The following GRB14 variants were observed in gnomAD, a reference collection of about 807,000 sequenced individuals.
GRB14 encodes the protein growth factor receptor bound protein 14, also known as growth factor receptor-bound protein 14.
A neutral mutation model predicts 69.1 loss-of-function variants in GRB14; 38 were observed. That is an observed-to-expected ratio of 0.55 (90% CI 0.42 to 0.72). The LOEUF is 0.72. Ranked by LOEUF, GRB14 falls within the 30% of genes least tolerant of loss-of-function variation. The probability of loss-of-function intolerance (pLI) is 0.00; values close to 1 mark genes in which losing one functional copy is unlikely to be tolerated. For missense variants in GRB14, 666 were observed against 666.1 expected, an observed-to-expected ratio of 1.00 and a Z score of 0.00; for synonymous variants, 247 against 241.3, an observed-to-expected ratio of 1.02 and a Z score of -0.22.
At chr2:164,506,433 A>C (rs1687190727) in intron 8 of GRB14, among the ~76,000 whole-genome samples, 1 of 152,216 alleles carries the variant, frequency 6.6e-6, no homozygotes, top group African/African-American at 2.4e-5. Flanking sequence ...ATTGACAAGA[A>C]CAAGAACCAA....
chr2:164,547,870 A>G, intron 2 of GRB14, 54 bp from the exon 3 acceptor site: 1 of 1,292,648 alleles, frequency 7.7e-7, no homozygotes, highest in Non-Finnish European at 1.1e-6. Flanking sequence ...TGTGTTTTTA[A>G]TAAATTTTAT....
At chr2:164,550,026 A>G (rs1276175607) in intron 2 of GRB14, among the ~76,000 whole-genome samples, 2 of 152,206 alleles carry the variant, frequency 1.3e-5, no homozygotes, top group Non-Finnish European at 1.5e-5. Context: ...AGGAGGGAAT[A>G]GAATCAGACT....
At chr2:164,553,359 G>A (rs998696154) in intron 2 of GRB14, among the ~76,000 whole-genome samples, 4 of 152,120 alleles carry the variant, frequency 2.6e-5, no homozygotes, top group Non-Finnish European at 5.9e-5. Context: ...GAGGGGCTTA[G>A]GCCAACTTGA....
intron 2 of GRB14, among the ~76,000 whole-genome samples, chr2:164,585,636 C>T (rs997105316): frequency 6.6e-6 from 1 of 152,040 alleles, no homozygotes; most frequent in African/African-American, 2.4e-5. Context: ...TTAATCATGT[C>T]ACAATATATA....
At chr2:164,521,852 T>A in intron 6 of GRB14, 128 bp downstream of exon 6, 2 of 813,992 alleles carry the variant, frequency 2.5e-6, no homozygotes, top group Non-Finnish European at 4.0e-6. Flanking sequence ...GGCAAACGTT[T>A]TAAATCAAGA....
chr2:164,522,947 G>T (rs1260575795), intron 5 of GRB14, among the ~76,000 whole-genome samples: 1 of 151,950 alleles, frequency 6.6e-6, no homozygotes, highest in East Asian at 1.9e-4. Flanking sequence ...CTTGGCCCTT[G>T]GAATCCAGCT....
intron 6 of GRB14, among the ~76,000 whole-genome samples, chr2:164,517,376 C>T (rs1687519677): frequency 6.6e-6 from 1 of 152,008 alleles, no homozygotes; most frequent in Admixed American, 6.6e-5. Context: ...ACAGCCAAAC[C>T]ATATCACCAT....
At chr2:164,585,908 A>C (rs1689526743) in intron 2 of GRB14, among the ~76,000 whole-genome samples, 1 of 152,210 alleles carries the variant, frequency 6.6e-6, no homozygotes, top group African/African-American at 2.4e-5. Flanking sequence ...GCATCCAGTC[A>C]CTTAGTCAAC....
intron 2 of GRB14, among the ~76,000 whole-genome samples, chr2:164,610,797 T>C (rs1690148802): frequency 7.5e-6 from 1 of 134,088 alleles, no homozygotes; most frequent in East Asian, 2.2e-4. Flanking sequence ...CTAGACCAAA[T>C]AGATAAATGA....
chr2:164,494,058 AC>A lies in GRB14; in HGVS notation c.1476+372del, dbSNP rs1184332916. Among the ~76,000 whole-genome samples the A allele has an allele frequency of 2.6e-5, 4 of 152,162 alleles. No individual in the cohort carries two copies. The East Asian group carries it at 7.7e-4, about 29-fold the overall frequency. On this transcript the variant is annotated intron_variant, in intron 13 of 13. Transcript: ENST00000263915. ...TTAAAAACAAAACAAAACAAAAAAA[AC>A]ATTTTTGAGAGAAGAGAGGAGAAAA... is the stretch of plus-strand genomic sequence containing the variant.
At chr2:164,533,458 G>C (rs1219773461) in intron 3 of GRB14, among the ~76,000 whole-genome samples, 1 of 151,568 alleles carries the variant, frequency 6.6e-6, no homozygotes, top group Non-Finnish European at 1.5e-5. Context: ...TTGACCTCGT[G>C]ATCCGCCCGC....
intron 3 of GRB14, among the ~76,000 whole-genome samples, chr2:164,547,328 G>T (rs1011731845): frequency 6.6e-6 from 1 of 152,080 alleles, no homozygotes; most frequent in African/African-American, 2.4e-5. Context: ...AATCAATTCA[G>T]ATATTTATAA....
intron 2 of GRB14, among the ~76,000 whole-genome samples, chr2:164,606,995 T>C (rs541095810): frequency 7.2e-5 from 11 of 152,222 alleles, no homozygotes; most frequent in Non-Finnish European, 1.2e-4. Flanking sequence ...AGACTGAAAA[T>C]GCTTACAAGG....
intron 2 of GRB14, among the ~76,000 whole-genome samples, chr2:164,619,333 C>G (rs1690383240): frequency 6.6e-6 from 1 of 152,178 alleles, no homozygotes; most frequent in Non-Finnish European, 1.5e-5. Context: ...CTTCTCACCC[C>G]ACTACTACTG....
intron 2 of GRB14, among the ~76,000 whole-genome samples, chr2:164,595,813 A>T (rs150967876): frequency 6.6e-6 from 1 of 152,322 alleles, no homozygotes; most frequent in African/African-American, 2.4e-5. Context: ...CAGAAATAAG[A>T]TCATGAATCT....
rs1050398484 is a variant in GRB14, at chr2:164,502,293, C to G, written c.1066G>C (p.Gly356Arg). The G allele has an allele frequency of 3.7e-6, 6 of 1,607,156 alleles. No homozygotes were observed. Among genetic ancestry groups the G allele is most frequent in the Non-Finnish European group, 4.3e-6 (5 of 1,174,424 alleles). Residue 356 changes from glycine (G) to arginine (R), a missense_variant, in exon 9 of 14, where the codon GGT becomes CGT. Gly to Arg is a moderately radical substitution (Grantham distance 125). Transcript: ENST00000263915. ...CTCTGTGAACTGCAGCCACTTCTAC[C>G]TTGATATGGATGCATATAATTCTGG... is the stretch of plus-strand genomic sequence containing the variant. ...LYQNYMHPYQ[G>R]RSGCSSQSIS...
At chr2:164,506,352 A>G (rs1414488723) in intron 8 of GRB14, among the ~76,000 whole-genome samples, 1 of 152,216 alleles carries the variant, frequency 6.6e-6, no homozygotes, top group East Asian at 1.9e-4. Context: ...TCAGTTAAAC[A>G]AAAAGCTTCA....
intron 2 of GRB14, among the ~76,000 whole-genome samples, chr2:164,614,506 T>G (rs1690239671): frequency 6.6e-6 from 1 of 152,206 alleles, no homozygotes; most frequent in South Asian, 2.1e-4. Flanking sequence ...GTTATTTATG[T>G]TAGGGAATAA....
Position 164,572,234 on chromosome 2 carries a change from C to T in GRB14, c.325-24418G>A, listed in dbSNP as rs115845534. On this transcript the variant is annotated intron_variant, in intron 2 of 13. Transcript: ENST00000263915. ...CAACCGCAATTACATTTGCACCAGT[C>T]TAATACAAAAGTACCATCCAACCTC... Among the ~76,000 whole-genome samples the T allele has an allele frequency of 7.2e-4, 110 of 152,312 alleles. 1 individual carries two copies. The highest frequency in any genetic ancestry group is 2.6e-3 in the African/African-American group (110 of 41,568).
Sources: allele counts gnomAD v4.1 joint callset (sites outside exome capture counted in the v4.1 genomes callset), GRCh38; gene constraint gnomAD v4.1.1; transcripts MANE v1.5; gene names NCBI Gene and HGNC (gene_info 2026-07-23, HGNC 2026-07-21).